Variants in MARCHF1 observed in about 807,000 individuals in gnomAD.
MARCHF1 encodes membrane associated ring-CH-type finger 1.
A neutral mutation model predicts 54.2 loss-of-function variants in MARCHF1; 40 were observed. The ratio of observed to expected loss-of-function variants is 0.74; its 90% CI spans 0.57 to 0.96. MARCHF1 has a LOEUF of 0.96. Among genes scored for constraint, MARCHF1 ranks in the 40% least tolerant of loss-of-function variants. The pLI is 0.00. For synonymous variants in MARCHF1, 236 were observed against 236.3 expected, an observed-to-expected ratio of 1.00 and a Z score of 0.01; for missense variants, 586 against 656.5, an observed-to-expected ratio of 0.89 and a Z score of 1.17.
chr4:163,994,126 T>C (rs985365621), intron 2 of MARCHF1, among the ~76,000 whole-genome samples: 2 of 152,096 alleles, frequency 1.3e-5, no homozygotes, highest in African/African-American at 4.8e-5. Context: ...TCTTCACTTA[T>C]CTTCAGAAAA....
rs567956088 is a variant in MARCHF1, at chr4:164,186,666, T to C, written c.-322-75004A>G. ...TCTGTACTTTCTTAGTGACAGAAGC[T>C]CACATGAATAAAAGCCTCAGGGCAA... On this transcript the variant is annotated intron_variant, in intron 1 of 9. Transcript: ENST00000514618. 4.0e-4 allele frequency among the ~76,000 whole-genome samples: 61 copies of C among 152,340 alleles called. 1 individual carries two copies. Among genetic ancestry groups the C allele is most frequent in the African/African-American group, 1.4e-3 (60 of 41,600 alleles).
intron 5 of MARCHF1, among the ~76,000 whole-genome samples, chr4:163,640,754 G>T (rs1358330519): frequency 6.6e-6 from 1 of 150,612 alleles, no homozygotes; most frequent in Admixed American, 6.6e-5. Flanking sequence ...TCTTATACAG[G>T]ATTATTGACA....
intron 2 of MARCHF1, among the ~76,000 whole-genome samples, chr4:164,030,266 A>T (rs545375445): frequency 6.6e-6 from 1 of 152,006 alleles, no homozygotes; most frequent in Non-Finnish European, 1.5e-5. Flanking sequence ...TTGGAAAAAA[A>T]TTAAAATCTA....
chr4:163,531,743 A>G (rs751819039), intron 9 of MARCHF1, among the ~76,000 whole-genome samples: 22 of 151,860 alleles, frequency 1.4e-4, no homozygotes, highest in Non-Finnish European at 1.5e-5. Flanking sequence ...TGCAGGATAC[A>G]AAGTTTTACA....
intron 2 of MARCHF1, among the ~76,000 whole-genome samples, chr4:164,037,779 T>C (rs747094858): frequency 6.6e-6 from 1 of 152,198 alleles, no homozygotes; most frequent in African/African-American, 2.4e-5. Flanking sequence ...GTCATGTTGA[T>C]AGTATGTACC....
intron 5 of MARCHF1, among the ~76,000 whole-genome samples, chr4:163,679,688 C>G (rs1329000421): frequency 6.6e-6 from 1 of 151,682 alleles, no homozygotes; most frequent in African/African-American, 2.4e-5. Flanking sequence ...TCTAGACTCA[C>G]TGCAAGCTCC....
chr4:164,019,201 C>T (rs1395535289), intron 2 of MARCHF1, among the ~76,000 whole-genome samples: 1 of 152,122 alleles, frequency 6.6e-6, no homozygotes, highest in Non-Finnish European at 1.5e-5. Flanking sequence ...ACTCACTTTC[C>T]TCTTTAGCTA....
At chr4:164,226,169 A>C (rs1732248314) in intron 1 of MARCHF1, among the ~76,000 whole-genome samples, 1 of 152,070 alleles carries the variant, frequency 6.6e-6, no homozygotes, top group South Asian at 2.1e-4. Context: ...AGAATAAAAG[A>C]AGCCCCACTA....
intron 1 of MARCHF1, among the ~76,000 whole-genome samples, chr4:164,309,635 C>A (rs1734794695): frequency 6.6e-6 from 1 of 152,128 alleles, no homozygotes; most frequent in African/African-American, 2.4e-5. Context: ...GCAATTCACG[C>A]CTTTCTGTTT....
intron 3 of MARCHF1, among the ~76,000 whole-genome samples, chr4:163,983,144 AT>A (rs1345105842): frequency 6.6e-6 from 1 of 152,182 alleles, no homozygotes; most frequent in Non-Finnish European, 1.5e-5. Flanking sequence ...ACAAATATGC[AT>A]TTGAAGACAA....
intron 2 of MARCHF1, among the ~76,000 whole-genome samples, chr4:164,068,738 G>C (rs140931466): frequency 0.016 from 2,469 of 152,306 alleles, 42 homozygotes; most frequent in Non-Finnish European, 0.021. Flanking sequence ...TGAGGAGTGA[G>C]GGCGCACAGC....
At chr4:163,947,135 G>A (rs1422458177) in intron 3 of MARCHF1, among the ~76,000 whole-genome samples, 3 of 152,134 alleles carry the variant, frequency 2.0e-5, no homozygotes, top group Non-Finnish European at 4.4e-5. Flanking sequence ...TTGGAAAATT[G>A]TACTTCGTGG....
At chr4:163,719,716 C>T (rs1010264884) in intron 4 of MARCHF1, among the ~76,000 whole-genome samples, 60 of 151,782 alleles carry the variant, frequency 4.0e-4, no homozygotes, top group East Asian at 3.3e-3. Flanking sequence ...TTTTAATGAT[C>T]GCCATTCTAA....
At chr4:164,304,734 T>C (rs551379869) in intron 1 of MARCHF1, among the ~76,000 whole-genome samples, 1 of 152,284 alleles carries the variant, frequency 6.6e-6, no homozygotes, top group African/African-American at 2.4e-5. Context: ...AATATCTACA[T>C]GAAAATTTTG....
intron 3 of MARCHF1, among the ~76,000 whole-genome samples, chr4:163,929,875 G>T: frequency 7.1e-6 from 1 of 141,708 alleles, no homozygotes; most frequent in African/African-American, 2.6e-5. Flanking sequence ...ACACTTTTGT[G>T]AAAGAAAGAG....
intron 4 of MARCHF1, among the ~76,000 whole-genome samples, chr4:163,701,783 A>G (rs1018334159): frequency 1.3e-5 from 2 of 152,202 alleles, no homozygotes; most frequent in African/African-American, 4.8e-5. Context: ...AAGTTTATAA[A>G]GGATCTGACA....
At chr4:164,214,257 G>A (rs888120861) in intron 1 of MARCHF1, among the ~76,000 whole-genome samples, 2 of 152,102 alleles carry the variant, frequency 1.3e-5, no homozygotes, top group East Asian at 1.9e-4. Flanking sequence ...CTGACCTACC[G>A]AACTGTGAGA....
intron 1 of MARCHF1, among the ~76,000 whole-genome samples, chr4:164,320,207 G>A (rs1735105343): frequency 6.6e-6 from 1 of 152,116 alleles, no homozygotes; most frequent in Non-Finnish European, 1.5e-5. Flanking sequence ...CTGGTATTAA[G>A]CATTCTACTT....
chr4:163,539,869 A>G (rs2110896683), intron 9 of MARCHF1, among the ~76,000 whole-genome samples: 2 of 152,338 alleles, frequency 1.3e-5, no homozygotes, highest in Middle Eastern at 3.4e-3. Flanking sequence ...TATCAGCTGG[A>G]GTTCATCTAC....
Sources: allele counts gnomAD v4.1 joint callset (sites outside exome capture counted in the v4.1 genomes callset), GRCh38; gene constraint gnomAD v4.1.1; transcripts MANE v1.5; gene names NCBI Gene and HGNC (gene_info 2026-07-23, HGNC 2026-07-21).